RRBP1: variants seen among roughly 807,000 people sequenced by gnomAD.
The protein encoded by RRBP1 is ribosome binding protein 1.
A neutral mutation model predicts 165.2 loss-of-function variants in RRBP1; 94 were observed. The observed-to-expected ratio is 0.57, with a 90% CI of 0.48 to 0.68. The LOEUF is 0.68. Ranked by LOEUF, RRBP1 falls within the 30% of genes least tolerant of loss-of-function variation. The pLI is 0.00. For synonymous variants in RRBP1, 680 were observed against 714.5 expected (o/e 0.95, Z 0.77); for missense variants, 1,676 against 1,763.0 (o/e 0.95, Z 0.88).
chr20:17,628,790 C>T (rs1435353194), intron 9 of RRBP1, among the ~76,000 whole-genome samples: 1 of 152,270 alleles, frequency 6.6e-6, no homozygotes, highest in Non-Finnish European at 1.5e-5. Context: ...CATGCCCAGC[C>T]CTCTGGAGCA....
intron 2 of RRBP1, among the ~76,000 whole-genome samples, chr20:17,665,079 T>C (rs1006459192): frequency 6.6e-6 from 1 of 152,098 alleles, no homozygotes; most frequent in Admixed American, 6.5e-5. Context: ...TATTTATATA[T>C]ATATGTATGT....
At chr20:17,664,035 T>C (rs1600775415) in intron 2 of RRBP1, among the ~76,000 whole-genome samples, 1 of 152,204 alleles carries the variant, frequency 6.6e-6, no homozygotes, top group Non-Finnish European at 1.5e-5. Context: ...ATTTTTTTCC[T>C]ATACCTACAT....
chr20:17,659,916 G>C lies in RRBP1; in HGVS notation c.592C>G (p.Gln198Glu). Residue 198 changes from glutamine to glutamate, a missense_variant, in exon 3 of 25, where the codon CAG (glutamine) becomes GAG (glutamate). Around this residue, in one of 5 missense-constraint regions of RRBP1, gnomAD observed 392 missense variants for 382.5 expected, o/e 1.02. Coordinates refer to ENST00000377813, the MANE Select transcript of RRBP1 (RefSeq NM_001365613.2). ...TGAGTCCCCTCCGCCTTTTTGCCCT[G>C]AGTAGTGCCAGTGGCTGGTGTGTTG... ...KGNTPATGTT[Q>E]GKKAEGTQNQ... The C allele has an allele frequency of 2.6e-6, 4 of 1,566,810 alleles. No individual in the cohort carries two copies. The highest frequency in any genetic ancestry group is 3.5e-6 in the Non-Finnish European group (4 of 1,154,378).
rs200800860 is a variant in RRBP1, at chr20:17,621,705, G to A, written c.3309C>T (p.Pro1103=). 3.0e-5 allele frequency: 48 copies of A among 1,613,630 alleles called. No homozygotes were observed. The highest frequency in any genetic ancestry group is 2.0e-4 in the Admixed American group (12 of 60,018). The change falls in exon 15 of 25, where the codon CCC becomes CCT. Residue 1103 remains proline (P), a synonymous_variant. Coordinates refer to ENST00000377813, the MANE Select transcript of RRBP1 (RefSeq NM_001365613.2). ...GPTLLKHPPA[P]AEPSSDLASK... ...CCACACTTACCGAGGAGGGCTCCGC[G>A]GGAGCTGGCGGGTGCTTCAGCAGCG...
At chr20:17,658,005 C>T (rs539668223) in intron 3 of RRBP1, among the ~76,000 whole-genome samples, 1 of 152,304 alleles carries the variant, frequency 6.6e-6, no homozygotes, top group East Asian at 1.9e-4. Flanking sequence ...GAAAGACTTG[C>T]CAACACGCAG....
At chr20:17,653,833 C>CAA (rs1299830911) in intron 3 of RRBP1, among the ~76,000 whole-genome samples, 13,406 of 75,358 alleles carry the variant, frequency 0.18, 1,048 homozygotes, top group Middle Eastern at 0.33. Context: ...GACTCCATCT[C>CAA]AAAAAAAAAA....
intron 5 of RRBP1, among the ~76,000 whole-genome samples, chr20:17,640,825 G>T (rs1285220461): frequency 6.6e-6 from 1 of 152,176 alleles, no homozygotes; most frequent in East Asian, 1.9e-4. Flanking sequence ...CCCTGAATTT[G>T]CGACAAAAAG....
chr20:17,641,492 G>A (rs2036357835), intron 5 of RRBP1: 1 of 440,556 alleles, frequency 2.3e-6, no homozygotes, highest in Non-Finnish European at 4.1e-6. Flanking sequence ...TGAAAGCCAG[G>A]TCTGGTCCAT....
intron 9 of RRBP1, among the ~76,000 whole-genome samples, chr20:17,628,233 G>A (rs995691946): frequency 2.0e-5 from 3 of 152,110 alleles, no homozygotes; most frequent in East Asian, 1.9e-4. Flanking sequence ...TGCCTCTGAG[G>A]CTGCACTCTC....
chr20:17,641,748 T>C (rs776958293), intron 5 of RRBP1, 49 bp downstream of exon 5: 26 of 1,605,506 alleles, frequency 1.6e-5, no homozygotes, highest in African/African-American at 1.3e-5. Context: ...GCGGGGGTCC[T>C]CTGAGGACGG....
chr20:17,642,383 G>A (rs2036380144), intron 4 of RRBP1, among the ~76,000 whole-genome samples: 1 of 152,134 alleles, frequency 6.6e-6, no homozygotes, highest in Non-Finnish European at 1.5e-5. Context: ...AGTGACGACT[G>A]ACAAGCTCTC....
intron 21 of RRBP1, 76 bp downstream of exon 21, chr20:17,616,656 A>G: frequency 1.0e-6 from 1 of 975,246 alleles, no homozygotes; most frequent in African/African-American, 1.6e-5. Context: ...TGCGGGGTTT[A>G]GTCCGAACGG....
rs2036716215 is a variant in RRBP1, at chr20:17,659,493, C to A, written c.1015G>T (p.Gly339Cys). 1 of 1,546,086 alleles carries A rather than the reference C, an allele frequency of 6.5e-7. No homozygotes were observed. Among genetic ancestry groups the A allele is most frequent in the Non-Finnish European group, 8.7e-7 (1 of 1,145,446 alleles). Residue 339 changes from glycine (G) to cysteine (C), a missense_variant, in exon 3 of 25, where the codon GGC (glycine) becomes TGC (cysteine). This residue lies in a region of RRBP1 where 78 missense variants were observed against 115.6 expected (regional missense o/e 0.67). Transcript: ENST00000377813. ...GKKAEGAQNQ[G>C]KKAEGAQNQG... is the part of the protein sequence containing the mutation. ...TTCTGGGCCCCCTCGGCCTTCTTGC[C>A]CTGATTCTGGGCCCCCTCGGCCTTC... is the stretch of plus-strand genomic sequence containing the variant.
chr20:17,681,488 C>G (rs937724196), intron 1 of RRBP1, among the ~76,000 whole-genome samples: 2 of 148,780 alleles, frequency 1.3e-5, no homozygotes, highest in Non-Finnish European at 3.0e-5. Context: ...GCGCTCGGCC[C>G]GTGGGCCCCC....
chr20:17,624,502 C>A lies in RRBP1; in HGVS notation c.3147+74G>T, dbSNP rs2035977756. 5.1e-6 allele frequency: 5 copies of A among 974,072 alleles called. No homozygotes were observed. In the Admixed American group the frequency reaches 1.0e-4, roughly 19 times the overall value. 60.3% of individuals were successfully genotyped at this position (974,072 alleles called of 1,614,324 possible). ...TAGAGCATCTGGTGTCCTAGTGCAT[C>A]TGTACGTCTTAGTGCATTTGTGCAT... On this transcript the variant is annotated intron_variant, in intron 13 of 24. Coordinates refer to ENST00000377813, the MANE Select transcript of RRBP1 (RefSeq NM_001365613.2).
At chr20:17,636,453 G>A (rs1005292577) in intron 6 of RRBP1, 124 bp downstream of exon 6, 5 of 1,171,948 alleles carry the variant, frequency 4.3e-6, no homozygotes, top group Non-Finnish European at 2.4e-6. Flanking sequence ...AGACCTTACA[G>A]ACCCCTGTGG....
chr20:17,629,710 C>T, intron 9 of RRBP1, 113 bp downstream of exon 9: 1 of 1,130,588 alleles, frequency 8.8e-7, no homozygotes, highest in Non-Finnish European at 1.3e-6. Context: ...ATCCGTGCTG[C>T]CCTCACCCAA....
At chr20:17,641,557 G>C (rs577609800) in intron 5 of RRBP1, 1 of 576,030 alleles carries the variant, frequency 1.7e-6, no homozygotes, top group Admixed American at 3.1e-5. Context: ...ACTTCCCTGC[G>C]TTCTTACAGC....
rs1266520612 is a variant in RRBP1, at chr20:17,625,548, G to C, written c.3018C>G (p.Leu1006=). 1 of 1,613,796 alleles carries C rather than the reference G, an allele frequency of 6.2e-7. No individual in the cohort carries two copies. Among genetic ancestry groups the C allele is most frequent in the African/African-American group, 1.3e-5 (1 of 74,896 alleles). Reference sequence around the variant, plus strand: ...CTTTCTGCTGCTCGACGGCCTCCCTGAGCTCGATGGCCTCCTTCTCCAGAC... The same window carrying C: ...CTTTCTGCTGCTCGACGGCCTCCCTCAGCTCGATGGCCTCCTTCTCCAGAC... ...VSGLEKEAIE[L]REAVEQQKVK... The change falls in exon 12 of 25, where the codon CTC becomes CTG. Residue 1006 remains leucine, a synonymous_variant. Transcript: ENST00000377813.
Sources: allele counts gnomAD v4.1 joint callset (sites outside exome capture counted in the v4.1 genomes callset), GRCh38; gene constraint gnomAD v4.1.1; regional missense constraint gnomAD v4.1.1; transcripts MANE v1.5; gene names NCBI Gene and HGNC (gene_info 2026-07-23, HGNC 2026-07-21).